The following LRRC69 variants were observed in gnomAD, a reference collection of about 807,000 sequenced individuals.
LRRC69 encodes the protein leucine-rich repeat-containing protein 69.
In LRRC69, 42 loss-of-function variants were observed where a neutral mutation model predicts 37.8. The ratio of observed to expected loss-of-function variants is 1.11; its 90% confidence interval spans 0.87 to 1.44. LRRC69 has a LOEUF of 1.44. Among genes scored for constraint, LRRC69 ranks in the 40% most tolerant of loss-of-function variants. The pLI, the probability that LRRC69 is intolerant of heterozygous loss-of-function variation, is 0.00. For synonymous variants in LRRC69, 141 were observed against 143.1 expected, an observed-to-expected ratio of 0.99 and a Z score of 0.11; for missense variants, 357 against 401.9, an observed-to-expected ratio of 0.89 and a Z score of 0.96.
intron 3 of LRRC69, among the ~76,000 whole-genome samples, chr8:91,128,596 T>C (rs1586233813): frequency 2.0e-5 from 3 of 151,978 alleles, no homozygotes; most frequent in Admixed American, 6.6e-5. Context: ...ACCTGCAAAA[T>C]GAGGATGATG....
intron 7 of LRRC69, among the ~76,000 whole-genome samples, chr8:91,202,874 T>C (rs567399797): frequency 6.6e-6 from 1 of 152,320 alleles, no homozygotes; most frequent in South Asian, 2.1e-4. Context: ...GGCAGTAGGC[T>C]ATTTGCACTA....
intron 6 of LRRC69, among the ~76,000 whole-genome samples, chr8:91,192,099 G>T (rs771916505): frequency 8.7e-5 from 13 of 148,660 alleles, no homozygotes; most frequent in African/African-American, 3.2e-4. Flanking sequence ...TGCGGTGTTT[G>T]GTTTTTTGTT....
At chr8:91,134,420 C>G (rs1369072376) in intron 4 of LRRC69, among the ~76,000 whole-genome samples, 1 of 151,480 alleles carries the variant, frequency 6.6e-6, no homozygotes, top group African/African-American at 2.4e-5. Flanking sequence ...GGCTGGAGAG[C>G]CCAGCGTTCT....
chr8:91,156,738 A>G (rs1808842462), intron 5 of LRRC69, among the ~76,000 whole-genome samples: 1 of 150,952 alleles, frequency 6.6e-6, no homozygotes, highest in East Asian at 2.0e-4. Context: ...TCTTGTAGCA[A>G]TTCTATAGTT....
intron 5 of LRRC69, among the ~76,000 whole-genome samples, chr8:91,179,145 A>G (rs963594573): frequency 2.0e-5 from 3 of 152,214 alleles, no homozygotes; most frequent in Non-Finnish European, 4.4e-5. Flanking sequence ...CCATTCTTGC[A>G]TTGCTATAAA....
chr8:91,181,029 T>C (rs1038318442), intron 5 of LRRC69, among the ~76,000 whole-genome samples: 2 of 152,196 alleles, frequency 1.3e-5, no homozygotes, highest in Non-Finnish European at 2.9e-5. Flanking sequence ...AATAAGCCCA[T>C]TGGAACTGTC....
At chr8:91,205,239 T>G (rs906296701) in intron 7 of LRRC69, among the ~76,000 whole-genome samples, 4 of 152,132 alleles carry the variant, frequency 2.6e-5, no homozygotes, top group Non-Finnish European at 5.9e-5. Flanking sequence ...TAACACAATA[T>G]ATGAGCCAGA....
chr8:91,136,768 CTACTCTAGG>C (rs1329582331), intron 5 of LRRC69, among the ~76,000 whole-genome samples: 2 of 152,044 alleles, frequency 1.3e-5, no homozygotes, highest in Admixed American at 6.6e-5. Context: ...CTGAATTTGA[CTACTCTAGG>C]TACTCTAGGT....
intron 5 of LRRC69, among the ~76,000 whole-genome samples, chr8:91,185,884 C>T (rs2130605101): frequency 6.6e-6 from 1 of 152,242 alleles, no homozygotes; most frequent in Middle Eastern, 3.4e-3. Flanking sequence ...CTTATTGGTT[C>T]TATTTTTGAG....
intron 7 of LRRC69, among the ~76,000 whole-genome samples, chr8:91,215,592 CT>C (rs1810030100): frequency 6.6e-6 from 1 of 152,118 alleles, no homozygotes; most frequent in Non-Finnish European, 1.5e-5. Flanking sequence ...AAAAAGTAAA[CT>C]GTATTATAGC....
At chr8:91,176,918 A>G (rs974660093) in intron 5 of LRRC69, among the ~76,000 whole-genome samples, 2 of 152,204 alleles carry the variant, frequency 1.3e-5, no homozygotes, top group Non-Finnish European at 2.9e-5. Flanking sequence ...GGCCCAGTGA[A>G]GTTGACACAT....
chr8:91,187,663 T>TCCA (rs1809427446), intron 5 of LRRC69, among the ~76,000 whole-genome samples: 2 of 152,176 alleles, frequency 1.3e-5, no homozygotes, highest in Admixed American at 1.3e-4. Flanking sequence ...TCTTCCTGTC[T>TCCA]TCATTCATAC....
At chr8:91,197,386 C>A (rs550428418) in intron 6 of LRRC69, among the ~76,000 whole-genome samples, 24 of 152,270 alleles carry the variant, frequency 1.6e-4, no homozygotes, top group East Asian at 3.9e-4. Flanking sequence ...CGAGCTTCCC[C>A]GGCTGCTTTG....
chr8:91,144,880 A>T (rs1808591164), intron 5 of LRRC69, among the ~76,000 whole-genome samples: 1 of 151,946 alleles, frequency 6.6e-6, no homozygotes, highest in African/African-American at 2.4e-5. Flanking sequence ...AGTGAAGAAA[A>T]CCATTTTATT....
intron 6 of LRRC69, among the ~76,000 whole-genome samples, chr8:91,197,723 A>G (rs1302476517): frequency 6.6e-6 from 1 of 151,850 alleles, no homozygotes; most frequent in Admixed American, 6.6e-5. Flanking sequence ...GCGCGCACCC[A>G]CTGACCGGCG....
At chr8:91,183,309 A>G (rs541516127) in intron 5 of LRRC69, among the ~76,000 whole-genome samples, 1 of 152,334 alleles carries the variant, frequency 6.6e-6, no homozygotes, top group East Asian at 1.9e-4. Flanking sequence ...TTTCTGGTAG[A>G]CTTTTGCTGA....
intron 7 of LRRC69, among the ~76,000 whole-genome samples, chr8:91,203,694 C>T (rs190031729): frequency 2.7e-4 from 41 of 151,940 alleles, no homozygotes; most frequent in African/African-American, 5.5e-4. Context: ...CCACTGCGCC[C>T]AGCCTCAGTG....
chr8:91,185,081 G>A (rs575197649), intron 5 of LRRC69, among the ~76,000 whole-genome samples: 133 of 152,202 alleles, frequency 8.7e-4, no homozygotes, highest in African/African-American at 2.9e-3. Flanking sequence ...AGGCCTCTTC[G>A]GGCTACTGGT....
chr8:91,171,409 G>A (rs1242773477), intron 5 of LRRC69, among the ~76,000 whole-genome samples: 1 of 151,888 alleles, frequency 6.6e-6, no homozygotes, highest in Non-Finnish European at 1.5e-5. Context: ...TTACGTCCTT[G>A]GGGATGATAT....
Sources: allele counts gnomAD v4.1 joint callset (sites outside exome capture counted in the v4.1 genomes callset), GRCh38; gene constraint gnomAD v4.1.1; transcripts MANE v1.5; gene names NCBI Gene and HGNC (gene_info 2026-07-23, HGNC 2026-07-21).